Variants in PDE4D observed in about 807,000 individuals in gnomAD.
The protein encoded by PDE4D is phosphodiesterase 4D, also known as 3',5'-cyclic-AMP phosphodiesterase 4D.
In PDE4D, 24 loss-of-function variants were observed where a neutral mutation model predicts 87.4. The observed-to-expected ratio is 0.27, with a 90% CI of 0.20 to 0.39. The LOEUF is 0.39. Ranked by LOEUF, PDE4D falls within the 10% of genes least tolerant of loss-of-function variation. PDE4D has a pLI of 1.00. For missense variants in PDE4D, 714 were observed against 1,041.0 expected, an observed-to-expected ratio of 0.69 and a Z score of 4.32; for synonymous variants, 384 against 383.2, an observed-to-expected ratio of 1.00 and a Z score of -0.02.
chr5:60,038,655 C>T (rs1399333500), intron 2 of PDE4D, among the ~76,000 whole-genome samples: 1 of 151,796 alleles, frequency 6.6e-6, no homozygotes, highest in Non-Finnish European at 1.5e-5. Context: ...AGGCAACCTA[C>T]AAAATGGGAG....
intron 3 of PDE4D, among the ~76,000 whole-genome samples, chr5:59,954,252 G>C (rs1174334647): frequency 6.6e-6 from 1 of 152,160 alleles, no homozygotes; most frequent in African/African-American, 2.4e-5. Flanking sequence ...GGGATGAATA[G>C]CAAGAAATGA....
chr5:58,992,616 A>C (rs893344215), intron 7 of PDE4D, among the ~76,000 whole-genome samples: 2 of 152,212 alleles, frequency 1.3e-5, no homozygotes, highest in Admixed American at 6.5e-5. Context: ...ATAGAGAATC[A>C]TAAATATTAC....
intron 1 of PDE4D, among the ~76,000 whole-genome samples, chr5:59,237,893 G>C (rs2061282): frequency 9.2e-5 from 14 of 151,698 alleles, no homozygotes; most frequent in African/African-American, 3.4e-4. Flanking sequence ...TTATATGTTT[G>C]CTTCTTAATT....
intron 5 of PDE4D, among the ~76,000 whole-genome samples, chr5:59,131,452 C>A (rs77633351): frequency 6.6e-6 from 1 of 152,132 alleles, no homozygotes; most frequent in Admixed American, 6.5e-5. Context: ...CACTGCAAGT[C>A]ATTTTTGAGA....
chr5:59,138,140 A>C (rs1379292745), intron 5 of PDE4D, among the ~76,000 whole-genome samples: 3 of 152,206 alleles, frequency 2.0e-5, no homozygotes, highest in Non-Finnish European at 4.4e-5. Flanking sequence ...AATTGGGCAA[A>C]GTTTCAGATT....
At chr5:59,742,499 G>A (rs183640320) in intron 1 of PDE4D, among the ~76,000 whole-genome samples, 24 of 152,240 alleles carry the variant, frequency 1.6e-4, no homozygotes, top group African/African-American at 5.8e-4. Context: ...ATGTTCAGAA[G>A]GATTATGAGA....
At chr5:59,004,844 C>A (rs1212765086) in intron 6 of PDE4D, among the ~76,000 whole-genome samples, 1 of 152,202 alleles carries the variant, frequency 6.6e-6, no homozygotes, top group African/African-American at 2.4e-5. Flanking sequence ...AGGAGTACTC[C>A]CCAGTCACTG....
chr5:59,221,406 T>C (rs1752534023), intron 1 of PDE4D, among the ~76,000 whole-genome samples: 1 of 152,070 alleles, frequency 6.6e-6, no homozygotes, highest in Non-Finnish European at 1.5e-5. Context: ...CCAAGGCTGG[T>C]GAACTGCTTG....
At chr5:59,807,080 A>C (rs1767820185) in intron 1 of PDE4D, among the ~76,000 whole-genome samples, 1 of 152,098 alleles carries the variant, frequency 6.6e-6, no homozygotes, top group South Asian at 2.1e-4. Flanking sequence ...AGTAGCAACC[A>C]ACGAGCCCCT....
chr5:60,434,894 T>A (rs560178971), intron 1 of PDE4D, among the ~76,000 whole-genome samples: 2 of 151,904 alleles, frequency 1.3e-5, no homozygotes, highest in African/African-American at 4.8e-5. Context: ...CTGATGGAGA[T>A]ACAGAAATGA....
chr5:59,179,351 C>T (rs1222172177), intron 5 of PDE4D, among the ~76,000 whole-genome samples: 1 of 152,166 alleles, frequency 6.6e-6, no homozygotes, highest in African/African-American at 2.4e-5. Context: ...ATCCACCCAC[C>T]TTGGCCTCCC....
chr5:59,291,287 G>A (rs923451569), intron 1 of PDE4D, among the ~76,000 whole-genome samples: 2 of 152,022 alleles, frequency 1.3e-5, no homozygotes, highest in Non-Finnish European at 2.9e-5. Context: ...GCAACAATAC[G>A]GATGGAAGTG....
chr5:60,461,540 G>A (rs1746945530), intron 1 of PDE4D, among the ~76,000 whole-genome samples: 2 of 152,202 alleles, frequency 1.3e-5, no homozygotes, highest in South Asian at 4.1e-4. Context: ...GAAGTATCTG[G>A]GAATTATAAA....
intron 6 of PDE4D, among the ~76,000 whole-genome samples, chr5:59,013,671 A>G (rs550894090): frequency 1.3e-5 from 2 of 152,302 alleles, no homozygotes; most frequent in South Asian, 2.1e-4. Context: ...CCAACCAAAA[A>G]AAGTCCAGGA....
chr5:59,606,438 C>G (rs1828212412), intron 1 of PDE4D, among the ~76,000 whole-genome samples: 1 of 152,010 alleles, frequency 6.6e-6, no homozygotes, highest in Non-Finnish European at 1.5e-5. Context: ...TCCTTTAATA[C>G]AATAACCTTA....
rs1436105135 is a variant in PDE4D, at chr5:59,310,672, G to T, written c.456-94704C>A. Among the ~76,000 whole-genome samples the T allele has an allele frequency of 2.0e-5, 3 of 152,284 alleles. No individual in the cohort carries two copies. The East Asian group carries it at 5.8e-4, about 29-fold the overall frequency. On this transcript the variant is annotated intron_variant, in intron 1 of 14. Coordinates refer to ENST00000340635, the MANE Select transcript of PDE4D (RefSeq NM_001104631.2). ...CTCTTAGGTCTAAGGGCTGCTGTTTGTGAGACTGTACAAAAGCAGCCTTCC... is the reference window on the plus strand; with the variant it reads ...CTCTTAGGTCTAAGGGCTGCTGTTTTTGAGACTGTACAAAAGCAGCCTTCC...
intron 5 of PDE4D, among the ~76,000 whole-genome samples, chr5:59,071,935 C>G (rs1036093817): frequency 2.0e-5 from 3 of 152,034 alleles, no homozygotes; most frequent in African/African-American, 7.2e-5. Flanking sequence ...GTAATCCCCC[C>G]GCCTTGGCCT....
chr5:59,139,479 G>C (rs889115599), intron 5 of PDE4D, among the ~76,000 whole-genome samples: 2 of 152,080 alleles, frequency 1.3e-5, no homozygotes, highest in African/African-American at 4.8e-5. Flanking sequence ...CAACAGGAGA[G>C]AGGTATGATC....
intron 5 of PDE4D, among the ~76,000 whole-genome samples, chr5:59,135,133 G>A (rs1776848989): frequency 6.6e-6 from 1 of 152,210 alleles, no homozygotes; most frequent in Admixed American, 6.5e-5. Flanking sequence ...AAATGTCCCT[G>A]ACAAGGATGC....
Sources: allele counts gnomAD v4.1 joint callset (sites outside exome capture counted in the v4.1 genomes callset), GRCh38; gene constraint gnomAD v4.1.1; transcripts MANE v1.5; gene names NCBI Gene and HGNC (gene_info 2026-07-23, HGNC 2026-07-21).